Variants in VIP observed in about 807,000 individuals in gnomAD.
VIP encodes vasoactive intestinal peptide.
Under a neutral mutation model 20.1 loss-of-function variants are expected in VIP, and 18 were observed. The observed-to-expected ratio is 0.90, with a 90% CI of 0.62 to 1.33. VIP has a LOEUF of 1.33. Among genes scored for constraint, VIP ranks in the 40% most tolerant of loss-of-function variants. VIP has a pLI of 0.00. For synonymous variants in VIP, 70 were observed against 68.1 expected (o/e 1.03, Z -0.14); for missense variants, 209 against 199.4 (o/e 1.05, Z -0.29).
intron 6 of VIP, among the ~76,000 whole-genome samples, chr6:152,758,292 C>A (rs1188472253): frequency 6.6e-6 from 1 of 151,962 alleles, no homozygotes; most frequent in Non-Finnish European, 1.5e-5. Flanking sequence ...GACATGGTGT[C>A]TGGGAAGATA....
At position 152,759,507 on chromosome 6, in the gene VIP, CTT is replaced by C. The variant is rs1487584265; in HGVS notation, c.*643_*644del. Reference sequence around the variant, plus strand: ...TCACCAAAGGCTCTCTCCTGATAGTCTTTCAGTTAAGGAGAACGACCCCTGCT... The same window carrying C: ...TCACCAAAGGCTCTCTCCTGATAGTCTCAGTTAAGGAGAACGACCCCTGCT... On this transcript the variant is annotated 3_prime_UTR_variant, in exon 7 of 7. Coordinates refer to ENST00000367244, the MANE Select transcript of VIP (RefSeq NM_003381.4). 2 of 151,706 alleles carry C rather than the reference CTT, an allele frequency of 1.3e-5. No homozygotes were observed. The highest frequency in any genetic ancestry group is 4.9e-5 in the African/African-American group (2 of 41,236). 9.4% of individuals were successfully genotyped at this position (151,706 alleles called of 1,614,324 possible).
intron 4 of VIP, 117 bp from the exon 5 acceptor site, chr6:152,756,017 A>T: frequency 9.0e-7 from 1 of 1,110,218 alleles, no homozygotes; most frequent in Non-Finnish European, 1.2e-6. Flanking sequence ...TCTTTTTATG[A>T]TAGAAAATTA....
chr6:152,751,403 G>A (rs2099729609), intron 1 of VIP, among the ~76,000 whole-genome samples: 1 of 151,916 alleles, frequency 6.6e-6, no homozygotes, highest in Admixed American at 6.6e-5. Flanking sequence ...TTTATAGGCA[G>A]CAAGAGAAAC....
Position 152,758,702 on chromosome 6 carries a change from G to A in VIP, c.*44-208G>A, listed in dbSNP as rs539014704. On this transcript the variant is annotated intron_variant, in intron 6 of 6. Transcript: ENST00000367244. ...AATCATTAATAATGGTTAGTTAGAC[G>A]TCTTTTCACATTCCAGTTCCTCTCT... 5.9e-5 allele frequency among the ~76,000 whole-genome samples: 9 copies of A among 152,028 alleles called. No homozygotes were observed. The South Asian group carries it at 6.2e-4, about 11-fold the overall frequency.
chr6:152,756,283 T>A lies in VIP; in HGVS notation c.467+18T>A, dbSNP rs765375085. The A allele has an allele frequency of 2.0e-5, 32 of 1,600,264 alleles. No individual in the cohort carries two copies. The South Asian group carries it at 3.5e-4, about 17-fold the overall frequency. On this transcript the variant is annotated intron_variant, in intron 5 of 6. Transcript: ENST00000367244. Reference sequence around the variant, plus strand: ...AAGAGGAGGTAAAGAAAAAGAGAACTTGCTAAAATGAGGAATCATGACTGA... The same window carrying A: ...AAGAGGAGGTAAAGAAAAAGAGAACATGCTAAAATGAGGAATCATGACTGA...
intron 1 of VIP, 92 bp from the exon 2 acceptor site, chr6:152,752,076 C>A: frequency 2.5e-6 from 2 of 810,010 alleles, no homozygotes; most frequent in Non-Finnish European, 4.1e-6. Context: ...ACAAACTCTG[C>A]AAGAGCCATT....
At chr6:152,752,127 C>T (rs1004382992) in intron 1 of VIP, 41 bp from the exon 2 acceptor site, 2 of 1,456,274 alleles carry the variant, frequency 1.4e-6, no homozygotes, top group Non-Finnish European at 1.9e-6. Flanking sequence ...TTGCTGGTGA[C>T]ATCTTTGGCT....
rs564775467 is a variant in VIP, at chr6:152,756,338, C to T, written c.467+73C>T. On this transcript the variant is annotated intron_variant, in intron 5 of 6. Transcript: ENST00000367244. ...CAAAATAGAAGCTGCACATGGAGAC[C>T]TCTCTATCTCACTTATCTAGCTATA... is the stretch of plus-strand genomic sequence containing the variant. 7.9e-5 allele frequency: 119 copies of T among 1,498,010 alleles called. 1 individual carries two copies. The African/African-American group carries it at 1.5e-3, about 19-fold the overall frequency. The allele number at this position is 1,498,010 out of a possible 1,614,324, so 92.8% of individuals were successfully genotyped here.
chr6:152,757,245 T>C (rs1027772159), intron 6 of VIP, 61 bp downstream of exon 6: 1 of 1,101,532 alleles, frequency 9.1e-7, no homozygotes, highest in African/African-American at 1.6e-5. Context: ...TATAAGTAGC[T>C]AAGAGTCACT....
intron 2 of VIP, among the ~76,000 whole-genome samples, chr6:152,752,684 A>G (rs2099729832): frequency 6.6e-6 from 1 of 152,184 alleles, no homozygotes; most frequent in Non-Finnish European, 1.5e-5. Context: ...AAGATTAATC[A>G]GTAAATAATC....
rs180705821 is a variant in VIP at position 152,758,931 on chromosome 6, C to T, written c.*65C>T. The T allele has an allele frequency of 3.3e-5, 5 of 152,348 alleles. No homozygotes were observed. The highest frequency in any genetic ancestry group is 1.3e-4 in the Admixed American group (2 of 15,224). The allele number at this position is 152,348 out of a possible 1,614,324, so 9.4% of individuals were successfully genotyped here. On this transcript the variant is annotated 3_prime_UTR_variant, in exon 7 of 7. Transcript: ENST00000367244. Reference sequence around the variant, plus strand: ...TCAGAATTCTTGAAGGAAAATGATACGCAACATAATTAAATTTTGAGTTCT... The same window carrying T: ...TCAGAATTCTTGAAGGAAAATGATATGCAACATAATTAAATTTTGAGTTCT...
chr6:152,750,816 C>A lies in VIP; in HGVS notation c.-154C>A, dbSNP rs2129073928. The A allele has an allele frequency of 6.6e-6, 1 of 152,280 alleles. No individual in the cohort carries two copies. Among genetic ancestry groups the A allele is most frequent in the African/African-American group, 2.4e-5 (1 of 41,542 alleles). The allele number at this position is 152,280 out of a possible 1,614,324, so 9.4% of individuals were successfully genotyped here. A position where few individuals can be genotyped will look rare whatever the true frequency, so the allele number is the denominator to read the frequency against. ...CTGGTCAGGGTAGAGTGAGAAGCAC[C>A]AGCAGGCAGTAACAGCCAACCCTTA... On this transcript the variant is annotated 5_prime_UTR_variant, in exon 1 of 7. Coordinates refer to ENST00000367244, the MANE Select transcript of VIP (RefSeq NM_003381.4).
At chr6:152,753,371 C>G (rs753301260) in intron 2 of VIP, among the ~76,000 whole-genome samples, 1 of 152,082 alleles carries the variant, frequency 6.6e-6, no homozygotes, top group Non-Finnish European at 1.5e-5. Flanking sequence ...TTTGCCCTAA[C>G]AGTGAAAATC....
intron 6 of VIP, among the ~76,000 whole-genome samples, chr6:152,758,124 A>T: frequency 6.6e-6 from 1 of 152,010 alleles, no homozygotes; most frequent in East Asian, 1.9e-4. Flanking sequence ...ACTGTGTTCC[A>T]ATAAAACTTT....
rs570778110 is a variant in VIP, at chr6:152,756,028, G to A, written c.336-106G>A. The stretch of plus-strand genomic sequence containing the variant: ...TTAGTCTTTTTATGATAGAAAATTA[G>A]TTGGGTGGGAATTGCTTTTTATGTG... On this transcript the variant is annotated intron_variant, in intron 4 of 6. Transcript: ENST00000367244. The A allele has an allele frequency of 5.8e-6, 7 of 1,202,836 alleles. No individual in the cohort carries two copies. The African/African-American group carries it at 7.8e-5, about 13-fold the overall frequency. The allele number at this position is 1,202,836 out of a possible 1,614,324, so 74.5% of individuals were successfully genotyped here.
chr6:152,752,291 T>C lies in VIP; in HGVS notation c.107+7T>C. On this transcript the variant is annotated splice_region_variant and intron_variant, in intron 2 of 6. Transcript: ENST00000367244. Reference sequence around the variant, plus strand: ...GGGCACCTTCTGCTCTCAGGTAAGTTCCCTTTCAATTCAAACATCTGAACA... The same window carrying C: ...GGGCACCTTCTGCTCTCAGGTAAGTCCCCTTTCAATTCAAACATCTGAACA... The C allele has an allele frequency of 1.2e-6, 2 of 1,606,770 alleles. No homozygotes were observed. The highest frequency in any genetic ancestry group is 1.7e-6 in the Non-Finnish European group (2 of 1,175,012).
At chr6:152,758,286 T>A (rs1476114109) in intron 6 of VIP, among the ~76,000 whole-genome samples, 1 of 151,994 alleles carries the variant, frequency 6.6e-6, no homozygotes, top group Non-Finnish European at 1.5e-5. Flanking sequence ...AGAGTGGACA[T>A]GGTGTCTGGG....
Position 152,754,289 on chromosome 6 carries a change from G to GTGC in VIP, c.230+3_230+4insCTG. On this transcript the variant is annotated splice_donor_variant, in intron 3 of 6. Coordinates refer to ENST00000367244, the MANE Select transcript of VIP (RefSeq NM_003381.4). LOFTEE classifies it high-confidence loss of function. ...ACACACCCTATTATGATGTATCCAGGTGAGTTTATTTTTATAAAACTATCC... is the reference window on the plus strand; with the variant it reads ...ACACACCCTATTATGATGTATCCAGGTGCTGAGTTTATTTTTATAAAACTATCC... 1 of 1,594,088 alleles carries GTGC rather than the reference G, an allele frequency of 6.3e-7. No individual in the cohort carries two copies. The highest frequency in any genetic ancestry group is 1.2e-5 in the South Asian group (1 of 86,238).
chr6:152,756,925 C>CT (rs1186088285), intron 5 of VIP, among the ~76,000 whole-genome samples, 171 bp from the exon 6 acceptor site: 1 of 151,948 alleles, frequency 6.6e-6, no homozygotes, highest in East Asian at 1.9e-4. Flanking sequence ...TTTAGAAACT[C>CT]TAAGATTGAT....
Sources: gnomAD v4.1 joint callset for allele counts (sites outside exome capture counted in the v4.1 genomes callset) on GRCh38, gnomAD v4.1.1 for gene constraint, MANE v1.5 for transcripts, NCBI Gene and HGNC (gene_info 2026-07-23, HGNC 2026-07-21) for gene names.